The following SP1 variants were observed in gnomAD, a reference collection of about 807,000 sequenced individuals.
SP1 encodes Sp1 transcription factor.
In SP1, 6 loss-of-function variants were observed where a neutral mutation model predicts 66.3. The ratio of observed to expected loss-of-function variants is 0.09; its 90% CI spans 0.05 to 0.18. The LOEUF (loss-of-function observed/expected upper bound fraction) is 0.18. Among genes scored for constraint, SP1 ranks in the 10% least tolerant of loss-of-function variants. SP1 has a pLI of 1.00. For synonymous variants in SP1, 417 were observed against 360.8 expected (o/e 1.16, Z -1.77); for missense variants, 848 against 964.5 (o/e 0.88, Z 1.60).
intron 3 of SP1, among the ~76,000 whole-genome samples, chr12:53,400,159 A>T (rs1044312246): frequency 1.3e-5 from 2 of 152,234 alleles, no homozygotes; most frequent in Non-Finnish European, 2.9e-5. Context: ...GCCCATTGGC[A>T]GCCATGCCCC....
At position 53,381,800 on chromosome 12, in the gene SP1, G is replaced by C. The variant is rs1158352398; in HGVS notation, c.149G>C (p.Gly50Ala). ...AGCACAGGCAGTAGCAGCAGCACTGGAGGAGGAGGGCAGGTAAGTGATAAT... is the reference window on the plus strand; with the variant it reads ...AGCACAGGCAGTAGCAGCAGCACTGCAGGAGGAGGGCAGGTAAGTGATAAT... ...SSSTGSSSSTGGGGQESQPSP... is the reference protein window; with the variant it reads ...SSSTGSSSSTAGGGQESQPSP... Residue 50 changes from glycine to alanine, a missense_variant, in exon 2 of 6, where the codon GGA becomes GCA. Coordinates refer to ENST00000327443, the MANE Select transcript of SP1 (RefSeq NM_138473.3). 1.1e-5 allele frequency: 18 copies of C among 1,613,118 alleles called. No individual in the cohort carries two copies. Among genetic ancestry groups the C allele is most frequent in the Non-Finnish European group, 1.5e-5 (18 of 1,179,728 alleles).
chr12:53,381,876 C>G, intron 2 of SP1, 63 bp downstream of exon 2: 2 of 1,543,374 alleles, frequency 1.3e-6, no homozygotes, highest in South Asian at 1.2e-5. Flanking sequence ...AGATAATTGC[C>G]TTACTCTTCA....
At chr12:53,385,553 C>A (rs187998538) in intron 3 of SP1, among the ~76,000 whole-genome samples, 54 of 150,384 alleles carry the variant, frequency 3.6e-4, no homozygotes, top group African/African-American at 1.3e-3. Flanking sequence ...CGAGATCGCG[C>A]CACTGCACTC....
rs1331914404 is a variant in SP1, at chr12:53,382,945, C to A, written c.998C>A (p.Thr333Asn). 1.2e-6 allele frequency: 2 copies of A among 1,614,048 alleles called. No individual in the cohort carries two copies. The highest frequency in any genetic ancestry group is 3.3e-5 in the Admixed American group (2 of 59,988). The change falls in exon 3 of 6, where the codon ACC becomes AAC. Residue 333 changes from threonine (T) to asparagine (N), a missense_variant. By Grantham distance (65) the Thr-to-Asn change is moderately conservative. Around this residue, in one of 7 missense-constraint regions of SP1, gnomAD observed 606 missense variants for 589.9 expected, o/e 1.03. Coordinates refer to ENST00000327443, the MANE Select transcript of SP1 (RefSeq NM_138473.3). ...AATAGCTACTCAACTACTACTACCA[C>A]CAGCAACATGGGAATTATGAACTTT... ...NANSYSTTTT[T>N]SNMGIMNFTT...
rs1426478939 is a variant in SP1 at position 53,404,937 on chromosome 12, G to A, written c.1676-1648G>A. Among the ~76,000 whole-genome samples, 9 of 152,196 alleles carry A rather than the reference G, an allele frequency of 5.9e-5. No individual in the cohort carries two copies. The South Asian group carries it at 1.9e-3, about 32-fold the overall frequency. On this transcript the variant is annotated intron_variant, in intron 3 of 5. Coordinates refer to ENST00000327443, the MANE Select transcript of SP1 (RefSeq NM_138473.3). The stretch of plus-strand genomic sequence containing the variant: ...TGCAACCTCTGCCTCCTGGGTTCAA[G>A]CAATTCCTGTCTCAGCCTCCCGAAT...
At chr12:53,400,108 A>C (rs935204561) in intron 3 of SP1, among the ~76,000 whole-genome samples, 2 of 152,104 alleles carry the variant, frequency 1.3e-5, no homozygotes, top group Non-Finnish European at 2.9e-5. Context: ...CATCACTACA[A>C]CCCAAGAACA....
chr12:53,416,207 C>G lies in SP1; in HGVS notation c.*4967C>G, dbSNP rs963697730. On this transcript the variant is annotated 3_prime_UTR_variant, in exon 6 of 6. Coordinates refer to ENST00000327443, the MANE Select transcript of SP1 (RefSeq NM_138473.3). The stretch of plus-strand genomic sequence containing the variant: ...GTGTGGGTAAATGCTTTTAAATGCT[C>G]TCTCATCTTGTTCTTCCCCCTCACC... The G allele has an allele frequency of 6.5e-6, 1 of 153,164 alleles. No individual in the cohort carries two copies. Among genetic ancestry groups the G allele is most frequent in the Non-Finnish European group, 1.5e-5 (1 of 68,536 alleles). 9.5% of individuals were successfully genotyped at this position (153,164 alleles called of 1,614,324 possible).
chr12:53,383,714 A>G (rs1393828171), intron 3 of SP1, 92 bp downstream of exon 3: 1 of 1,022,872 alleles, frequency 9.8e-7, no homozygotes, highest in African/African-American at 1.6e-5. Context: ...GCCTTTTGAG[A>G]TAACACTTTC....
chr12:53,392,743 C>T (rs932875629), intron 3 of SP1, among the ~76,000 whole-genome samples: 4 of 152,216 alleles, frequency 2.6e-5, no homozygotes, highest in African/African-American at 9.6e-5. Flanking sequence ...GATCCACCCA[C>T]CTCAGCCTCC....
chr12:53,411,138 G>A lies in SP1; in HGVS notation c.2256G>A (p.Glu752=). The change falls in exon 6 of 6, where the codon GAG becomes GAA. Residue 752 remains glutamate (E), a synonymous_variant. Transcript: ENST00000327443. ...ALITTNMVAM[E]AICPEGIARL... ...TTACCACCAATATGGTAGCCATGGAGGCCATCTGTCCAGAGGGCATTGCCC... is the reference window on the plus strand; with the variant it reads ...TTACCACCAATATGGTAGCCATGGAAGCCATCTGTCCAGAGGGCATTGCCC... 2 of 1,614,056 alleles carry A rather than the reference G, an allele frequency of 1.2e-6. No individual in the cohort carries two copies. Among genetic ancestry groups the A allele is most frequent in the South Asian group, 1.1e-5 (1 of 91,084 alleles).
intron 3 of SP1, among the ~76,000 whole-genome samples, chr12:53,385,590 G>A (rs1218362716): frequency 1.5e-5 from 2 of 134,116 alleles, no homozygotes; most frequent in Admixed American, 7.9e-5. Flanking sequence ...GCGAGACTCC[G>A]TCTCAAAAAA....
At chr12:53,380,461 A>G (rs1938058173) in intron 1 of SP1, among the ~76,000 whole-genome samples, 163 bp downstream of exon 1, 1 of 148,158 alleles carries the variant, frequency 6.7e-6, no homozygotes, top group Non-Finnish European at 1.5e-5. Context: ...GAGACGGGGC[A>G]GTGGCGGGGC....
At chr12:53,385,378 A>G (rs1186135329) in intron 3 of SP1, among the ~76,000 whole-genome samples, 10 of 145,474 alleles carry the variant, frequency 6.9e-5, no homozygotes, top group Non-Finnish European at 1.2e-4. Flanking sequence ...GGTGGATCAC[A>G]AGGTCAAGAG....
chr12:53,387,703 C>T (rs375024588), intron 3 of SP1, among the ~76,000 whole-genome samples: 2 of 151,994 alleles, frequency 1.3e-5, no homozygotes, highest in Admixed American at 6.6e-5. Flanking sequence ...AAAATGTATT[C>T]GAGCCAGCCT....
intron 3 of SP1, among the ~76,000 whole-genome samples, chr12:53,399,405 C>G (rs867030455): frequency 2.0e-4 from 30 of 149,972 alleles, no homozygotes; most frequent in African/African-American, 7.1e-4. Flanking sequence ...GCGATCTCAG[C>G]TCACTGCAAG....
rs754103354 is a variant in SP1 at position 53,382,731 on chromosome 12, G to A, written c.784G>A (p.Gly262Arg). ...GACCAATGTACCAGTGGCCCTGAAT[G>A]GGAACATCACCTTGCTACCTGTCAA... is the stretch of plus-strand genomic sequence containing the variant. ...YVTNVPVALNGNITLLPVNSV... is the reference protein window; with the variant it reads ...YVTNVPVALNRNITLLPVNSV... The change falls in exon 3 of 6, where the codon GGG becomes AGG. Residue 262 changes from glycine (G) to arginine (R), a missense_variant. By Grantham distance (125) the Gly-to-Arg change is moderately radical (BLOSUM62 -2). Coordinates refer to ENST00000327443, the MANE Select transcript of SP1 (RefSeq NM_138473.3). 1.9e-6 allele frequency: 3 copies of A among 1,614,122 alleles called. No homozygotes were observed. In the South Asian group the frequency reaches 3.3e-5, roughly 18 times the overall value.
At chr12:53,400,498 C>T (rs1012420140) in intron 3 of SP1, among the ~76,000 whole-genome samples, 1 of 152,034 alleles carries the variant, frequency 6.6e-6, no homozygotes, top group Non-Finnish European at 1.5e-5. Context: ...TTTGTGTGAA[C>T]GTATGTTTTA....
Position 53,382,672 on chromosome 12 carries a change from CTAA to C in SP1, c.730_732del (p.Asn244del), listed in dbSNP as rs753438332. On this transcript the variant is annotated inframe_deletion, in exon 3 of 6. Transcript: ENST00000327443. ...CAGGCTGTCCCCCTCCAAGGCCTGG[CTAA>C]TAATGTACTCTCAGGACAGACTCAG... The C allele has an allele frequency of 6.2e-7, 1 of 1,614,152 alleles. No individual in the cohort carries two copies. The highest frequency in any genetic ancestry group is 8.5e-7 in the Non-Finnish European group (1 of 1,179,998).
In SP1 at chr12:53,383,470, C is replaced by T; in HGVS notation, c.1523C>T (p.Ala508Val). 1 of 1,614,256 alleles carries T rather than the reference C, an allele frequency of 6.2e-7. No individual in the cohort carries two copies. Among genetic ancestry groups the T allele is most frequent in the East Asian group, 2.2e-5 (1 of 44,894 alleles). Reference sequence around the variant, plus strand: ...ACCACTCTCACACCCATTGCCTCAGCTGCTTCCATTCCTGCTGGCACAGTC... The same window carrying T: ...ACCACTCTCACACCCATTGCCTCAGTTGCTTCCATTCCTGCTGGCACAGTC... The part of the protein sequence containing the change: ...SNTTLTPIAS[A>V]ASIPAGTVTV... Residue 508 changes from alanine to valine, a missense_variant, in exon 3 of 6, where the codon GCT becomes GTT. By Grantham distance (64) the Ala-to-Val change is moderately conservative. Around this residue, in one of 7 missense-constraint regions of SP1, gnomAD observed 606 missense variants for 589.9 expected, o/e 1.03. Transcript: ENST00000327443.
Sources: allele counts gnomAD v4.1 joint callset (sites outside exome capture counted in the v4.1 genomes callset), GRCh38; gene constraint gnomAD v4.1.1; regional missense constraint gnomAD v4.1.1; transcripts MANE v1.5; gene names NCBI Gene and HGNC (gene_info 2026-07-23, HGNC 2026-07-21).